The following CNTN5 variants were observed in gnomAD, a reference collection of about 807,000 sequenced individuals.
The protein encoded by CNTN5 is contactin-5.
In CNTN5, 77 loss-of-function variants were observed where a neutral mutation model predicts 129.1. That is an observed-to-expected ratio of 0.60 (90% CI 0.50 to 0.72). The LOEUF is 0.72. Among genes scored for constraint, CNTN5 ranks in the 30% least tolerant of loss-of-function variants. The pLI is 0.00. For synonymous variants in CNTN5, 509 were observed against 465.6 expected (o/e 1.09, Z -1.20); for missense variants, 1,478 against 1,328.8 (o/e 1.11, Z -1.75).
At chr11:99,261,682 A>G (rs1862634768) in intron 1 of CNTN5, among the ~76,000 whole-genome samples, 1 of 151,970 alleles carries the variant, frequency 6.6e-6, no homozygotes, top group Non-Finnish European at 1.5e-5. Context: ...TTGTGGTGTA[A>G]TTTTCATAAC....
chr11:100,285,461 C>T (rs1377683986), intron 18 of CNTN5, among the ~76,000 whole-genome samples: 5 of 152,178 alleles, frequency 3.3e-5, no homozygotes, highest in African/African-American at 9.7e-5. Context: ...CTAAATCATC[C>T]TTGCAAACCC....
chr11:99,968,656 C>CTTTTTTTTTT (rs71050037), intron 8 of CNTN5, among the ~76,000 whole-genome samples: 14 of 73,908 alleles, frequency 1.9e-4, no homozygotes, highest in Admixed American at 4.3e-4. Flanking sequence ...GCTTTGGGTA[C>CTTTTTTTTTT]TTTTTTTTTT....
chr11:100,160,168 G>A (rs1398233536), intron 13 of CNTN5, among the ~76,000 whole-genome samples: 4 of 151,784 alleles, frequency 2.6e-5, no homozygotes, highest in East Asian at 1.9e-4. Flanking sequence ...GACAACATGC[G>A]GTGTTTGGTT....
intron 2 of CNTN5, among the ~76,000 whole-genome samples, chr11:99,432,464 C>CTTTCCTTTTCTTTTCTTTTCTTGT (rs1555143589): frequency 5.8e-4 from 68 of 116,424 alleles, no homozygotes; most frequent in African/African-American, 2.2e-3. Flanking sequence ...TCTTTTCTTT[C>CTTTCCTTTTCTTTTCTTTTCTTGT]CTTTTCTTTT....
At chr11:99,243,076 C>T (rs148776161) in intron 1 of CNTN5, among the ~76,000 whole-genome samples, 1 of 152,128 alleles carries the variant, frequency 6.6e-6, no homozygotes. Flanking sequence ...TCCATAGTGG[C>T]TGAACTAATT....
intron 9 of CNTN5, among the ~76,000 whole-genome samples, chr11:100,047,570 C>A (rs544127007): frequency 7.2e-5 from 11 of 152,094 alleles, no homozygotes; most frequent in Non-Finnish European, 1.0e-4. Context: ...ATAAAACATT[C>A]CCAGAAATAT....
intron 1 of CNTN5, among the ~76,000 whole-genome samples, chr11:99,189,427 A>G (rs1429810700): frequency 6.6e-6 from 1 of 151,468 alleles, no homozygotes; most frequent in Non-Finnish European, 1.5e-5. Flanking sequence ...GTCATATGGC[A>G]CTTCTATTTT....
At chr11:99,796,869 ACAACT>A (rs1329685223) in intron 3 of CNTN5, among the ~76,000 whole-genome samples, 4 of 151,980 alleles carry the variant, frequency 2.6e-5, no homozygotes, top group African/African-American at 9.7e-5. Flanking sequence ...GCTCTCCCTG[ACAACT>A]CAAGTGTCTC....
At chr11:99,651,517 G>A (rs1301030254) in intron 3 of CNTN5, among the ~76,000 whole-genome samples, 1 of 151,978 alleles carries the variant, frequency 6.6e-6, no homozygotes, top group African/African-American at 2.4e-5. Flanking sequence ...AGTAAGAATC[G>A]AAGTGACAGA....
At chr11:99,529,786 C>T (rs1947625689) in intron 2 of CNTN5, among the ~76,000 whole-genome samples, 1 of 151,558 alleles carries the variant, frequency 6.6e-6, no homozygotes, top group African/African-American at 2.4e-5. Flanking sequence ...GAACAAAGAA[C>T]AAGGTAAAAT....
At chr11:99,858,261 GA>G (rs1411244684) in intron 6 of CNTN5, among the ~76,000 whole-genome samples, 2 of 152,084 alleles carry the variant, frequency 1.3e-5, no homozygotes, top group African/African-American at 4.8e-5. Flanking sequence ...TGTCAGTAAA[GA>G]GCATCACGAG....
rs544350433 is a variant in CNTN5 at position 99,277,813 on chromosome 11, G to A, written c.-209-47533G>A. On this transcript the variant is annotated intron_variant, in intron 1 of 24. Transcript: ENST00000524871. ...AAAATGGAGCCATTTTAAGAACTACGATAGATAAAAAGCGAAAAGTTGACT... is the reference window on the plus strand; with the variant it reads ...AAAATGGAGCCATTTTAAGAACTACAATAGATAAAAAGCGAAAAGTTGACT... 6.6e-5 allele frequency among the ~76,000 whole-genome samples: 10 copies of A among 151,696 alleles called. No homozygotes were observed. The South Asian group carries it at 8.3e-4, about 13-fold the overall frequency.
Position 99,345,226 on chromosome 11 carries a change from T to C in CNTN5, c.-71+19742T>C, listed in dbSNP as rs575574024. On this transcript the variant is annotated intron_variant, in intron 2 of 24. Transcript: ENST00000524871. The stretch of plus-strand genomic sequence containing the variant: ...ACTCAGGAATACTATGAAAACATAA[T>C]ATGGGAATAATATTGCTCATATATT... Among the ~76,000 whole-genome samples, 7 of 152,290 alleles carry C rather than the reference T, an allele frequency of 4.6e-5. No homozygotes were observed. The East Asian group carries it at 1.3e-3, about 29-fold the overall frequency.
intron 2 of CNTN5, among the ~76,000 whole-genome samples, chr11:99,553,942 A>G (rs1028456699): frequency 1.3e-5 from 2 of 149,426 alleles, no homozygotes; most frequent in African/African-American, 4.9e-5. Context: ...CCTAAGGACC[A>G]AGCACTGGTG....
chr11:99,285,730 A>C (rs977945708), intron 1 of CNTN5, among the ~76,000 whole-genome samples: 3 of 152,130 alleles, frequency 2.0e-5, no homozygotes, highest in African/African-American at 7.2e-5. Flanking sequence ...CATAGTAATG[A>C]AAAATGCATA....
intron 1 of CNTN5, among the ~76,000 whole-genome samples, chr11:99,220,982 A>G (rs1860372166): frequency 6.6e-6 from 1 of 152,078 alleles, no homozygotes; most frequent in South Asian, 2.1e-4. Flanking sequence ...AATTTATACA[A>G]TTTACAGATA....
chr11:99,681,385 G>A (rs868513481), intron 3 of CNTN5, among the ~76,000 whole-genome samples: 6 of 151,940 alleles, frequency 3.9e-5, no homozygotes, highest in Admixed American at 1.3e-4. Flanking sequence ...CTTCACTGTT[G>A]TCTTATTCTG....
At chr11:99,266,674 G>C (rs555997239) in intron 1 of CNTN5, among the ~76,000 whole-genome samples, 1 of 152,172 alleles carries the variant, frequency 6.6e-6, no homozygotes, top group South Asian at 2.1e-4. Flanking sequence ...TGCCAACATA[G>C]CATAATGTAT....
At chr11:100,231,322 T>C (rs989641700) in intron 16 of CNTN5, among the ~76,000 whole-genome samples, 2 of 152,140 alleles carry the variant, frequency 1.3e-5, no homozygotes, top group African/African-American at 4.8e-5. Context: ...AACGGTAATC[T>C]TGACAAGAAA....
Sources: allele counts gnomAD v4.1 joint callset (sites outside exome capture counted in the v4.1 genomes callset), GRCh38; gene constraint gnomAD v4.1.1; transcripts MANE v1.5; gene names NCBI Gene and HGNC (gene_info 2026-07-23, HGNC 2026-07-21).